The following TERT variants were observed in gnomAD, a reference collection of about 807,000 sequenced individuals.
TERT encodes telomerase catalytic subunit.
TERT carries 42 observed loss-of-function variants against 104.0 expected under a neutral mutation model. That is an observed-to-expected ratio of 0.40 (90% CI 0.32 to 0.52). The LOEUF (loss-of-function observed/expected upper bound fraction) is 0.52, where lower values mean the gene tolerates loss of function less well. Among genes scored for constraint, TERT ranks in the 20% least tolerant of loss-of-function variants. TERT has a pLI of 0.43. For synonymous variants in TERT, 781 were observed against 725.6 expected (o/e 1.08, Z -1.23); for missense variants, 1,101 against 1,610.3 (o/e 0.68, Z 5.41).
In TERT at chr5:1,294,499, G is replaced by A. The variant is rs756352137; in HGVS notation, c.387C>T (p.Asp129=). 1.1e-5 allele frequency: 17 copies of A among 1,584,352 alleles called. No homozygotes were observed. Among genetic ancestry groups the A allele is most frequent in the Non-Finnish European group, 1.7e-6 (2 of 1,173,224 alleles). ...CCCACGCCCCGCTCCCCCGCAGTGC[G>A]TCGGTCACCGTGTTGGGCAGGTAGC... ...VRSYLPNTVT[D]ALRGSGAWGL... is the part of the protein sequence containing the mutation. The change falls in exon 2 of 16, where the codon GAC becomes GAT. Residue 129 remains aspartate (D), a synonymous_variant. Coordinates refer to ENST00000310581, the MANE Select transcript of TERT (RefSeq NM_198253.3).
At chr5:1,283,931 T>A (rs6420020) in intron 2 of TERT, among the ~76,000 whole-genome samples, 1 of 142,160 alleles carries the variant, frequency 7.0e-6, no homozygotes, top group Non-Finnish European at 1.5e-5. Context: ...AACCGGACAC[T>A]GCACAACCAG....
chr5:1,275,233 G>A (rs1561200207), intron 6 of TERT, among the ~76,000 whole-genome samples: 2 of 152,130 alleles, frequency 1.3e-5, no homozygotes, highest in Admixed American at 1.3e-4. Context: ...AAATTAGTCA[G>A]CATGGTGGTG....
chr5:1,291,914 G>T (rs1333657402), intron 2 of TERT, among the ~76,000 whole-genome samples: 1 of 152,232 alleles, frequency 6.6e-6, no homozygotes, highest in Non-Finnish European at 1.5e-5. Context: ...AAACTGGGTT[G>T]CATGACGCTT....
At chr5:1,290,262 T>C (rs375509990) in intron 2 of TERT, among the ~76,000 whole-genome samples, 176 of 20,352 alleles carry the variant, frequency 8.6e-3, no homozygotes, top group Admixed American at 0.013. Flanking sequence ...CCGGGGGCCG[T>C]GCCTCACTCA....
chr5:1,258,091 G>C (rs1747880141), intron 13 of TERT, among the ~76,000 whole-genome samples: 1 of 152,220 alleles, frequency 6.6e-6, no homozygotes, highest in African/African-American at 2.4e-5. Flanking sequence ...CGTTCCAGGA[G>C]CACAGCCATG....
rs747463378 is a variant in TERT, at chr5:1,293,571, C to T, written c.1315G>A (p.Glu439Lys). 2 of 1,545,738 alleles carry T rather than the reference C, an allele frequency of 1.3e-6. No homozygotes were observed. The highest frequency in any genetic ancestry group is 3.9e-5 in the Admixed American group (2 of 50,804). The change falls in exon 2 of 16, where the codon GAG becomes AAG. Residue 439 changes from glutamate (E) to lysine (K), a missense_variant. Glu to Lys is a moderately conservative substitution (Grantham distance 56, BLOSUM62 1). Transcript: ENST00000310581. Reference sequence around the variant, plus strand: ...CGACGGGGGTCTGTGTCCTCCTCCTCGGGGGCCGCCACAGAGCCCTGGGGC... The same window carrying T: ...CGACGGGGGTCTGTGTCCTCCTCCTTGGGGGCCGCCACAGAGCCCTGGGGC... Reference protein sequence around the residue: ...EKPQGSVAAPEEEDTDPRRLV... With the variant: ...EKPQGSVAAPKEEDTDPRRLV...
chr5:1,294,023 G>C lies in TERT; in HGVS notation c.863C>G (p.Ala288Gly), dbSNP rs774657340. 2 of 1,594,672 alleles carry C rather than the reference G, an allele frequency of 1.3e-6. No individual in the cohort carries two copies. Among genetic ancestry groups the C allele is most frequent in the Non-Finnish European group, 1.7e-6 (2 of 1,172,774 alleles). ...PAEEATSLEG[A>G]LSGTRHSHPS... ...GTGGGAGTGGCGCGTGCCAGAGAGC[G>C]CACCCTCCAAAGAGGTGGCTTCTTC... Residue 288 changes from alanine to glycine, a missense_variant, in exon 2 of 16, where the codon GCG becomes GGG. Around this residue, in one of 5 missense-constraint regions of TERT, gnomAD observed 504 missense variants for 544.6 expected, o/e 0.93. Transcript: ENST00000310581.
intron 2 of TERT, among the ~76,000 whole-genome samples, chr5:1,289,185 AC>A (rs1561210007): frequency 1.5e-5 from 2 of 137,606 alleles, no homozygotes; most frequent in East Asian, 4.6e-4. Flanking sequence ...CACTCACCCT[AC>A]ACGTGACAGG....
chr5:1,257,548 G>A lies in TERT; in HGVS notation c.3032+1050C>T, dbSNP rs575130885. Among the ~76,000 whole-genome samples the A allele has an allele frequency of 2.6e-5, 4 of 152,278 alleles. No homozygotes were observed. Among genetic ancestry groups the A allele is most frequent in the South Asian group, 2.1e-4 (1 of 4,824 alleles). On this transcript the variant is annotated intron_variant, in intron 13 of 15. Transcript: ENST00000310581. The surrounding 1 kb of genome is among the most constrained non-coding windows in gnomAD (Gnocchi z 5.6). ...AGAGAGAGAAGGCAGAGAGGAGGGC[G>A]GTCTGAGCCGGACGCACCCTGGAAC... is the stretch of plus-strand genomic sequence containing the variant.
chr5:1,276,095 G>A (rs371758001), intron 6 of TERT, among the ~76,000 whole-genome samples: 36 of 70,344 alleles, frequency 5.1e-4, no homozygotes, highest in South Asian at 1.1e-3. Flanking sequence ...CCCCACACAT[G>A]AAAACCAATC....
chr5:1,257,068 A>G lies in TERT; in HGVS notation c.3032+1530T>C, dbSNP rs36107545. ...GATTCCTGGGCCTTCCACGTGCCTG[A>G]CTCTGTGTTTGGAAACGGCCCGTGG... On this transcript the variant is annotated intron_variant, in intron 13 of 15. Coordinates refer to ENST00000310581, the MANE Select transcript of TERT (RefSeq NM_198253.3). This position sits in a 1 kb window ranked among gnomAD's most constrained non-coding sequence, Gnocchi z 5.6. Among the ~76,000 whole-genome samples, 829 of 151,894 alleles carry G rather than the reference A, an allele frequency of 5.5e-3. 6 individuals carry two copies. Among genetic ancestry groups the G allele is most frequent in the African/African-American group, 0.019 (787 of 41,396 alleles).
chr5:1,284,535 A>G (rs1353315076), intron 2 of TERT, among the ~76,000 whole-genome samples: 23 of 123,806 alleles, frequency 1.9e-4, no homozygotes, highest in East Asian at 5.5e-4. Flanking sequence ...CCATCCAGAC[A>G]CCGCACATCC....
chr5:1,272,374 G>A (rs1437615738), intron 6 of TERT, 94 bp from the exon 7 acceptor site: 26 of 1,117,564 alleles, frequency 2.3e-5, no homozygotes, highest in Non-Finnish European at 2.9e-5. Flanking sequence ...GTGGACCTGC[G>A]GCCAAGCCCG....
chr5:1,263,639 C>T lies in TERT; in HGVS notation c.2843+765G>A, dbSNP rs774266999. On this transcript the variant is annotated intron_variant, in intron 11 of 15. Coordinates refer to ENST00000310581, the MANE Select transcript of TERT (RefSeq NM_198253.3). This position sits in a 1 kb window ranked among gnomAD's most constrained non-coding sequence, Gnocchi z 5.3. The stretch of plus-strand genomic sequence containing the variant: ...TAGGTTGGCCTCAAACTCCTGGCCT[C>T]AAGTGATCCACCCACCTCGGCCTCC... Among the ~76,000 whole-genome samples the T allele has an allele frequency of 9.9e-5, 15 of 152,238 alleles. No individual in the cohort carries two copies. The highest frequency in any genetic ancestry group is 2.1e-4 in the Non-Finnish European group (14 of 68,044).
Position 1,262,839 on chromosome 5 carries a change from A to C in TERT, c.2843+1565T>G, listed in dbSNP as rs1748327491. 6.6e-6 allele frequency among the ~76,000 whole-genome samples: 1 copy of C among 152,240 alleles called. No homozygotes were observed. Among genetic ancestry groups the C allele is most frequent in the African/African-American group, 2.4e-5 (1 of 41,448 alleles). On this transcript the variant is annotated intron_variant, in intron 11 of 15. Transcript: ENST00000310581. This position sits in a 1 kb window ranked among gnomAD's most constrained non-coding sequence, Gnocchi z 5.6. ...AAATACATTTCATGGGGAGCAAAAT[A>C]AGCAGTGGACAGTTCACAGCTGACT...
rs200539091 is a variant in TERT, at chr5:1,282,536, G to A, written c.1662C>T (p.Val554=). The change falls in exon 3 of 16, where the codon GTC becomes GTT. Residue 554 remains valine (V), a synonymous_variant. Transcript: ENST00000310581. Reference sequence around the variant, plus strand: ...CATAAAAGAAAGACCTGAGCAGCTCGACGACGTACACACTCATCAGCCAGT... The same window carrying A: ...CATAAAAGAAAGACCTGAGCAGCTCAACGACGTACACACTCATCAGCCAGT... The part of the protein sequence containing the change: ...FLHWLMSVYV[V]ELLRSFFYVT... 1.2e-5 allele frequency: 19 copies of A among 1,614,006 alleles called. No individual in the cohort carries two copies. The highest frequency in any genetic ancestry group is 2.2e-5 in the South Asian group (2 of 91,088).
In TERT at chr5:1,282,454, T is replaced by C; in HGVS notation, c.1744A>G (p.Ser582Gly). 1 of 1,614,040 alleles carries C rather than the reference T, an allele frequency of 6.2e-7. No homozygotes were observed. The highest frequency in any genetic ancestry group is 8.5e-7 in the Non-Finnish European group (1 of 1,179,982). The change falls in exon 3 of 16, where the codon AGC becomes GGC. Residue 582 changes from serine to glycine, a missense_variant. By Grantham distance (56) the Ser-to-Gly change is moderately conservative (BLOSUM62 0). Around this residue, in one of 5 missense-constraint regions of TERT, gnomAD observed 463 missense variants for 797.5 expected, o/e 0.58. Transcript: ENST00000310581. ...RLFFYRKSVW[S>G]KLQSIGIRQH... Reference sequence around the variant, plus strand: ...CTGATTCCAATGCTTTGCAACTTGCTCCAGACACTCTTCCGGTAGAAAAAG... The same window carrying C: ...CTGATTCCAATGCTTTGCAACTTGCCCCAGACACTCTTCCGGTAGAAAAAG...
chr5:1,267,746 A>C (rs965887023), intron 9 of TERT, among the ~76,000 whole-genome samples: 1 of 152,162 alleles, frequency 6.6e-6, no homozygotes, highest in African/African-American at 2.4e-5. Context: ...AGAAAACCAA[A>C]CACCACATGT....
At position 1,272,278 on chromosome 5, in the gene TERT, G is replaced by C. The variant is rs1310927331; in HGVS notation, c.2289C>G (p.Val763=). Residue 763 remains valine (V), a splice_region_variant and synonymous_variant, in exon 7 of 16, where the codon GTC becomes GTG. Coordinates refer to ENST00000310581, the MANE Select transcript of TERT (RefSeq NM_198253.3). ...GHVRKAFKSH[V]STLTDLQPYM... ...ACGGCTGGAGGTCTGTCAAGGTAGA[G>C]ACCTGCCGGCAGAGGAGAGGGCATG... 2 of 1,610,274 alleles carry C rather than the reference G, an allele frequency of 1.2e-6. No individual in the cohort carries two copies. The highest frequency in any genetic ancestry group is 2.2e-5 in the East Asian group (1 of 44,726).
Sources: allele counts gnomAD v4.1 joint callset (sites outside exome capture counted in the v4.1 genomes callset), GRCh38; gene constraint gnomAD v4.1.1; regional missense constraint gnomAD v4.1.1; non-coding constraint Gnocchi (gnomAD v3.1); transcripts MANE v1.5; gene names NCBI Gene and HGNC (gene_info 2026-07-23, HGNC 2026-07-21).